Variants in PAIP2 observed in about 807,000 individuals in gnomAD.
The protein encoded by PAIP2 is poly(A) binding protein interacting protein 2.
In PAIP2, 7 loss-of-function variants were observed where a neutral mutation model predicts 14.8. The observed-to-expected ratio is 0.47, with a 90% CI of 0.27 to 0.89. PAIP2 has a LOEUF of 0.89. Among genes scored for constraint, PAIP2 ranks in the 40% least tolerant of loss-of-function variants. PAIP2 has a pLI of 0.13. For synonymous variants in PAIP2, 47 were observed against 45.3 expected, an observed-to-expected ratio of 1.04 and a Z score of -0.15; for missense variants, 122 against 154.7, an observed-to-expected ratio of 0.79 and a Z score of 1.12.
Position 139,352,488 on chromosome 5 carries a change from G to GTTTTTTTTTT in PAIP2, c.-27+10509_-27+10518dup, listed in dbSNP as rs1185620394. ...TGGCTTTCTCAGTTAATTCCTGCCA[G>GTTTTTTTTTT]TTTTTTTTTTGTTGTTTTTTTTTTT... On this transcript the variant is annotated intron_variant, in intron 1 of 3. Transcript: ENST00000265192. Among the ~76,000 whole-genome samples the GTTTTTTTTTT allele has an allele frequency of 1.2e-3, 117 of 94,772 alleles. 3 individuals are homozygous for GTTTTTTTTTT. Among genetic ancestry groups the GTTTTTTTTTT allele is most frequent in the African/African-American group, 1.7e-3 (54 of 31,596 alleles). The allele number at this position is 94,772 out of a possible 152,430, so 62.2% of individuals were successfully genotyped here. A position where few individuals can be genotyped will look rare whatever the true frequency, so the allele number is the denominator to read the frequency against.
At chr5:139,346,586 C>G (rs1756556572) in intron 1 of PAIP2, among the ~76,000 whole-genome samples, 1 of 151,748 alleles carries the variant, frequency 6.6e-6, no homozygotes, top group African/African-American at 2.4e-5. Flanking sequence ...GGTTGGAATG[C>G]AGTGGCACCA....
At chr5:139,362,702 G>A (rs1393959502) in intron 1 of PAIP2, among the ~76,000 whole-genome samples, 5 of 150,848 alleles carry the variant, frequency 3.3e-5, no homozygotes, top group Non-Finnish European at 5.9e-5. Context: ...GAGCCACCGC[G>A]CCTGGCCTTT....
chr5:139,349,309 T>C (rs1287225684), intron 1 of PAIP2, among the ~76,000 whole-genome samples: 5 of 152,006 alleles, frequency 3.3e-5, no homozygotes, highest in Admixed American at 1.3e-4. Flanking sequence ...AGTACAGTGG[T>C]GTGATCTTAG....
At chr5:139,342,296 C>T (rs1223770995) in intron 1 of PAIP2, 1 of 152,196 alleles carries the variant, frequency 6.6e-6, no homozygotes, top group Non-Finnish European at 1.5e-5. Context: ...CCTCATTCTC[C>T]CGGTCCTTTA....
At chr5:139,364,793 A>G (rs1215847552) in intron 3 of PAIP2, 50 bp downstream of exon 3, 1 of 1,229,640 alleles carries the variant, frequency 8.1e-7, no homozygotes, top group Non-Finnish European at 1.2e-6. Flanking sequence ...CTTTTGCATA[A>G]GTGGAAAAGC....
intron 1 of PAIP2, among the ~76,000 whole-genome samples, chr5:139,360,254 C>T (rs771385610): frequency 6.6e-5 from 10 of 151,624 alleles, no homozygotes; most frequent in African/African-American, 1.5e-4. Context: ...CGGGAGCCAC[C>T]GCACCCAGTC....
intron 1 of PAIP2, among the ~76,000 whole-genome samples, chr5:139,355,065 G>T (rs527853282): frequency 6.6e-6 from 1 of 151,208 alleles, no homozygotes; most frequent in South Asian, 2.1e-4. Context: ...TGATCCTCCT[G>T]CCCCAGCCTT....
chr5:139,361,315 T>G (rs767976676), intron 1 of PAIP2, among the ~76,000 whole-genome samples: 1 of 152,090 alleles, frequency 6.6e-6, no homozygotes, highest in Non-Finnish European at 1.5e-5. Context: ...ATCTTTTCCC[T>G]GAAACTTATC....
chr5:139,346,767 A>T (rs1440441981), intron 1 of PAIP2, among the ~76,000 whole-genome samples: 1 of 151,476 alleles, frequency 6.6e-6, no homozygotes, highest in East Asian at 1.9e-4. Flanking sequence ...TGACCTCGTG[A>T]TCCACCCCCT....
At chr5:139,342,285 T>C (rs181749178) in intron 1 of PAIP2, among the ~76,000 whole-genome samples, 1 of 152,096 alleles carries the variant, frequency 6.6e-6, no homozygotes, top group African/African-American at 2.4e-5. Context: ...TTTCTCCTGT[T>C]CCTCATTCTC....
intron 1 of PAIP2, among the ~76,000 whole-genome samples, chr5:139,352,503 T>TTTTTTTTTG (rs1756772753): frequency 1.6e-5 from 2 of 124,462 alleles, no homozygotes; most frequent in Non-Finnish European, 3.3e-5. Flanking sequence ...TTTTTTGTTG[T>TTTTTTTTTG]TTTTTTTTTT....
At chr5:139,359,322 A>G (rs1757004859) in intron 1 of PAIP2, among the ~76,000 whole-genome samples, 1 of 151,934 alleles carries the variant, frequency 6.6e-6, no homozygotes, top group African/African-American at 2.4e-5. Context: ...CATTTTCAGT[A>G]GAGACAGGGT....
rs192973930 is a variant in PAIP2 at position 139,364,790 on chromosome 5, A to G, written c.318+47A>G. 41 of 1,276,646 alleles carry G rather than the reference A, an allele frequency of 3.2e-5. No individual in the cohort carries two copies. The East Asian group carries it at 8.9e-4, about 28-fold the overall frequency. 79.1% of individuals were successfully genotyped at this position (1,276,646 alleles called of 1,614,324 possible). A position where few individuals can be genotyped will look rare whatever the true frequency, so the allele number is the denominator to read the frequency against. On this transcript the variant is annotated intron_variant, in intron 3 of 3. Transcript: ENST00000265192. ...TTTTAAAACCTAGTGCATCTTTTGC[A>G]TAAGTGGAAAAGCCAGCTCCCATCT... is the stretch of plus-strand genomic sequence containing the variant.
chr5:139,352,554 A>G (rs540588187), intron 1 of PAIP2, among the ~76,000 whole-genome samples: 4 of 141,274 alleles, frequency 2.8e-5, no homozygotes, highest in African/African-American at 5.2e-5. Context: ...CTGGAGTGCA[A>G]TGGAGTGATC....
intron 1 of PAIP2, among the ~76,000 whole-genome samples, chr5:139,352,404 T>C (rs1180876323): frequency 6.6e-6 from 1 of 152,092 alleles, no homozygotes; most frequent in Non-Finnish European, 1.5e-5. Flanking sequence ...TTTTAGGGTT[T>C]TAAAGCATAA....
intron 2 of PAIP2, 69 bp from the exon 3 acceptor site, chr5:139,364,495 A>C: frequency 1.1e-6 from 1 of 910,072 alleles, no homozygotes; most frequent in Non-Finnish European, 1.7e-6. Context: ...GTTTAGTTCA[A>C]GATATTTTAA....
At chr5:139,361,681 A>G (rs1356738534) in intron 1 of PAIP2, among the ~76,000 whole-genome samples, 2 of 152,170 alleles carry the variant, frequency 1.3e-5, no homozygotes, top group East Asian at 3.8e-4. Flanking sequence ...GCGATGGCTC[A>G]TGCATGTAAT....
intron 1 of PAIP2, among the ~76,000 whole-genome samples, chr5:139,348,920 C>T (rs1455650251): frequency 2.0e-5 from 3 of 152,068 alleles, no homozygotes; most frequent in Admixed American, 6.6e-5. Flanking sequence ...AGGTGATCTG[C>T]CTGCCTCAGC....
chr5:139,348,092 C>T (rs1756609695), intron 1 of PAIP2, among the ~76,000 whole-genome samples: 1 of 150,736 alleles, frequency 6.6e-6, no homozygotes, highest in Admixed American at 6.6e-5. Flanking sequence ...GTTGCAGTGA[C>T]CCGAGATCGT....
Sources: gnomAD v4.1 joint callset for allele counts (sites outside exome capture counted in the v4.1 genomes callset) on GRCh38, gnomAD v4.1.1 for gene constraint, MANE v1.5 for transcripts, NCBI Gene and HGNC (gene_info 2026-07-23, HGNC 2026-07-21) for gene names.